The following PCDH15 variants were observed in gnomAD, a reference collection of about 807,000 sequenced individuals.
PCDH15 encodes the protein protocadherin related 15, also known as protocadherin-15.
In PCDH15, 129 loss-of-function variants were observed where a neutral mutation model predicts 178.5. That is an observed-to-expected ratio of 0.72 (90% CI 0.63 to 0.84). The LOEUF is 0.84. PCDH15 is among the 40% of genes least tolerant of loss of function. The pLI is 0.00. For missense variants in PCDH15, 2,230 were observed against 2,099.9 expected, an observed-to-expected ratio of 1.06 and a Z score of -1.21; for synonymous variants, 800 against 732.0, an observed-to-expected ratio of 1.09 and a Z score of -1.50.
chr10:55,220,247 C>T (rs770916703), intron 1 of PCDH15, among the ~76,000 whole-genome samples: 42 of 152,050 alleles, frequency 2.8e-4, no homozygotes, highest in Non-Finnish European at 5.0e-4. Context: ...TGATCTGAAC[C>T]AAACGAGATA....
chr10:55,302,378 T>C (rs1010855494), intron 1 of PCDH15, among the ~76,000 whole-genome samples: 1 of 152,160 alleles, frequency 6.6e-6, no homozygotes, highest in Non-Finnish European at 1.5e-5. Context: ...ATTACTAATA[T>C]ACATAAATAT....
chr10:54,995,754 T>C (rs1053699758), intron 2 of PCDH15, among the ~76,000 whole-genome samples: 12 of 151,794 alleles, frequency 7.9e-5, no homozygotes, highest in African/African-American at 2.9e-4. Context: ...ACCAAAGAAC[T>C]GAAACTTAAC....
chr10:54,293,691 T>C (rs1323988055), intron 8 of PCDH15, among the ~76,000 whole-genome samples: 2 of 152,174 alleles, frequency 1.3e-5, no homozygotes, highest in Non-Finnish European at 2.9e-5. Flanking sequence ...AGAAGACATT[T>C]ATGCAGCCAA....
At position 53,952,828 on chromosome 10, in the gene PCDH15, C is replaced by G. The variant is rs190354327; in HGVS notation, c.3122+6904G>C. 2.0e-3 allele frequency among the ~76,000 whole-genome samples: 312 copies of G among 152,322 alleles called. 1 individual carries two copies. The highest frequency in any genetic ancestry group is 3.3e-3 in the Non-Finnish European group (227 of 68,022). ...CAGAGTGGGCTGAGGTGGCAAGGGG[C>G]TGGTATGTCAGCACCACATGAGTGT... On this transcript the variant is annotated intron_variant, in intron 23 of 37. Transcript: ENST00000644397.
chr10:55,373,084 A>C (rs1845545566), intron 2 of PCDH15, among the ~76,000 whole-genome samples: 1 of 152,182 alleles, frequency 6.6e-6, no homozygotes, highest in Admixed American at 6.6e-5. Context: ...CCAAAGCCAT[A>C]GAGACAGCAA....
chr10:54,981,749 C>G (rs1280232611), intron 2 of PCDH15, among the ~76,000 whole-genome samples: 1 of 151,896 alleles, frequency 6.6e-6, no homozygotes, highest in African/African-American at 2.4e-5. Flanking sequence ...TACATGTTTA[C>G]TTATTTTTCC....
At chr10:54,375,465 AT>A (rs913110439) in intron 4 of PCDH15, among the ~76,000 whole-genome samples, 4 of 152,032 alleles carry the variant, frequency 2.6e-5, no homozygotes, top group Non-Finnish European at 5.9e-5. Flanking sequence ...AAAGTAAATT[AT>A]TTTTTATATC....
intron 1 of PCDH15, among the ~76,000 whole-genome samples, chr10:54,787,930 C>T (rs941258970): frequency 2.6e-5 from 4 of 151,700 alleles, no homozygotes; most frequent in African/African-American, 4.8e-5. Flanking sequence ...TCCGAGAGAG[C>T]GTGAATAAAC....
intron 1 of PCDH15, among the ~76,000 whole-genome samples, chr10:55,186,269 G>GT (rs1316921511): frequency 3.3e-5 from 5 of 151,178 alleles, no homozygotes; most frequent in Non-Finnish European, 5.9e-5. Flanking sequence ...TCCACTCTAT[G>GT]TTTTTTATTT....
At position 54,195,817 on chromosome 10, in the gene PCDH15, G is replaced by C; in HGVS notation, c.1171C>G (p.Gln391Glu). ...LHIEILDENN[Q>E]SPYFTMPSYQ... Reference sequence around the variant, plus strand: ...CTGGGCATTGTAAAATATGGACTTTGATTGTTTTCATCCAGTATTTCAATG... The same window carrying C: ...CTGGGCATTGTAAAATATGGACTTTCATTGTTTTCATCCAGTATTTCAATG... Residue 391 changes from glutamine (Q) to glutamate (E), a missense_variant, in exon 11 of 38, where the codon CAA becomes GAA. Coordinates refer to ENST00000644397, the MANE Select transcript of PCDH15 (RefSeq NM_001384140.1). 1 of 1,613,996 alleles carries C rather than the reference G, an allele frequency of 6.2e-7. No individual in the cohort carries two copies.
intron 2 of PCDH15, among the ~76,000 whole-genome samples, chr10:55,627,440 G>A (rs185087128): frequency 1.3e-5 from 2 of 152,182 alleles, no homozygotes; most frequent in East Asian, 3.9e-4. Context: ...AGACATTCAG[G>A]CGATGAGCTT....
At chr10:54,369,076 A>G in intron 5 of PCDH15, 44 bp downstream of exon 5, 1 of 1,593,686 alleles carries the variant, frequency 6.3e-7, no homozygotes. Context: ...AGTTAGATAC[A>G]TATATCAACA....
intron 25 of PCDH15, among the ~76,000 whole-genome samples, chr10:53,919,752 G>T (rs569960686): frequency 6.6e-6 from 1 of 151,986 alleles, no homozygotes; most frequent in South Asian, 2.1e-4. Context: ...GGAGCAAGGC[G>T]GTTTATTTCT....
At chr10:53,855,710 G>C (rs1359615805) in intron 28 of PCDH15, among the ~76,000 whole-genome samples, 1 of 151,654 alleles carries the variant, frequency 6.6e-6, no homozygotes, top group Admixed American at 6.6e-5. Context: ...AATTGACAGT[G>C]ACGATAATTG....
At chr10:54,968,885 G>A (rs923428004) in intron 2 of PCDH15, among the ~76,000 whole-genome samples, 1 of 151,816 alleles carries the variant, frequency 6.6e-6, no homozygotes, top group South Asian at 2.1e-4. Flanking sequence ...TTCTTCAAAC[G>A]TGTTTATTTT....
chr10:54,386,116 G>A (rs1285276860), intron 3 of PCDH15, among the ~76,000 whole-genome samples: 4 of 150,350 alleles, frequency 2.7e-5, no homozygotes, highest in Admixed American at 2.0e-4. Flanking sequence ...GTGTGTGTGT[G>A]TGTGTGTGTG....
At chr10:54,426,652 G>A (rs748355654) in intron 3 of PCDH15, among the ~76,000 whole-genome samples, 67 of 152,022 alleles carry the variant, frequency 4.4e-4, no homozygotes, top group South Asian at 8.3e-4. Context: ...CTAGCTACCT[G>A]AAAATTAGAT....
At chr10:55,063,506 G>A (rs1415286951) in intron 2 of PCDH15, among the ~76,000 whole-genome samples, 1 of 152,012 alleles carries the variant, frequency 6.6e-6, no homozygotes, top group Non-Finnish European at 1.5e-5. Flanking sequence ...TAGTTGTAAG[G>A]CACTAAAGAA....
intron 1 of PCDH15, among the ~76,000 whole-genome samples, chr10:55,298,716 G>T (rs1007310030): frequency 1.4e-4 from 22 of 152,102 alleles, no homozygotes; most frequent in African/African-American, 4.6e-4. Flanking sequence ...GAGTAGCTGG[G>T]ACTACCAGCG....
Sources: allele counts gnomAD v4.1 joint callset (sites outside exome capture counted in the v4.1 genomes callset), GRCh38; gene constraint gnomAD v4.1.1; transcripts MANE v1.5; gene names NCBI Gene and HGNC (gene_info 2026-07-23, HGNC 2026-07-21).